The following B3GALT1 variants were observed in gnomAD, a reference collection of about 807,000 sequenced individuals.
The protein encoded by B3GALT1 is UDP-Gal:betaGlcNAc beta 1,3-galactosyltransferase, polypeptide 1.
In B3GALT1, 10 loss-of-function variants were observed where a neutral mutation model predicts 23.2. That is an observed-to-expected ratio of 0.43 (90% CI 0.27 to 0.73). The LOEUF (loss-of-function observed/expected upper bound fraction) is 0.73. Among genes scored for constraint, B3GALT1 ranks in the 30% least tolerant of loss-of-function variants. The probability of loss-of-function intolerance (pLI) is 0.21; values close to 1 mark genes in which losing one functional copy is unlikely to be tolerated. For missense variants in B3GALT1, 299 were observed against 405.4 expected (o/e 0.74, Z 2.25); for synonymous variants, 156 against 141.5 (o/e 1.10, Z -0.73).
chr2:167,423,823 C>T (rs1307337768), intron 1 of B3GALT1, among the ~76,000 whole-genome samples: 1 of 152,106 alleles, frequency 6.6e-6, no homozygotes. Context: ...ATAATTCCCC[C>T]CACTTCCCCA....
At chr2:167,573,458 C>T (rs1684332578) in intron 2 of B3GALT1, among the ~76,000 whole-genome samples, 1 of 151,670 alleles carries the variant, frequency 6.6e-6, no homozygotes, top group African/African-American at 2.4e-5. Flanking sequence ...CAATTAATAG[C>T]TCAACGGAAA....
chr2:167,774,583 C>T (rs1339360742), intron 3 of B3GALT1, among the ~76,000 whole-genome samples: 2 of 147,460 alleles, frequency 1.4e-5, no homozygotes, highest in South Asian at 2.2e-4. Flanking sequence ...CTGCAGTCTC[C>T]GCCTCCCGGG....
At chr2:167,715,369 C>G in intron 3 of B3GALT1, 3 of 1,613,796 alleles carry the variant, frequency 1.9e-6, no homozygotes. Flanking sequence ...CTTGTTCTTT[C>G]CATACTTCAG....
At chr2:167,512,399 T>A (rs1700019426) in intron 2 of B3GALT1, among the ~76,000 whole-genome samples, 1 of 150,662 alleles carries the variant, frequency 6.6e-6, no homozygotes, top group African/African-American at 2.4e-5. Context: ...ATTGAATGAT[T>A]TTATAATGTT....
At chr2:167,620,856 A>C (rs1229114543) in intron 2 of B3GALT1, among the ~76,000 whole-genome samples, 1 of 152,036 alleles carries the variant, frequency 6.6e-6, no homozygotes, top group African/African-American at 2.4e-5. Context: ...ATTATCTGTC[A>C]GAAAATGTCT....
chr2:167,655,046 G>A (rs1685934496), intron 3 of B3GALT1, among the ~76,000 whole-genome samples: 1 of 152,152 alleles, frequency 6.6e-6, no homozygotes, highest in East Asian at 1.9e-4. Flanking sequence ...TATAAATCTG[G>A]AACTACACTT....
chr2:167,714,796 A>G (rs926524167), intron 3 of B3GALT1: 6 of 1,613,118 alleles, frequency 3.7e-6, no homozygotes, highest in South Asian at 1.1e-5. Context: ...CTTCAGTGAC[A>G]TGGCTGATCT....
chr2:167,745,985 T>C (rs749144317), intron 3 of B3GALT1, among the ~76,000 whole-genome samples: 15 of 152,184 alleles, frequency 9.9e-5, no homozygotes, highest in Non-Finnish European at 2.1e-4. Context: ...CATTTTCTTA[T>C]GTCTACATAA....
intron 1 of B3GALT1, among the ~76,000 whole-genome samples, chr2:167,447,516 C>G (rs901258857): frequency 1.3e-5 from 2 of 152,160 alleles, no homozygotes; most frequent in African/African-American, 4.8e-5. Context: ...CCACCCAGTT[C>G]GAGCTTCCTG....
At chr2:167,565,479 G>A (rs375327939) in intron 2 of B3GALT1, among the ~76,000 whole-genome samples, 23 of 152,126 alleles carry the variant, frequency 1.5e-4, no homozygotes, top group Admixed American at 8.5e-4. Context: ...ACCAAAAGCA[G>A]TGGCAACAAA....
At chr2:167,475,518 T>A (rs1559108443) in intron 1 of B3GALT1, among the ~76,000 whole-genome samples, 1 of 151,852 alleles carries the variant, frequency 6.6e-6, no homozygotes, top group Non-Finnish European at 1.5e-5. Context: ...CTTCTATTAG[T>A]GAAATTGTGA....
intron 2 of B3GALT1, among the ~76,000 whole-genome samples, chr2:167,590,489 G>T (rs886329883): frequency 6.6e-6 from 1 of 151,594 alleles, no homozygotes; most frequent in Non-Finnish European, 1.5e-5. Flanking sequence ...GTGTCCTCCA[G>T]AATTTAAAAT....
intron 1 of B3GALT1, among the ~76,000 whole-genome samples, chr2:167,412,661 G>A (rs2105296595): frequency 6.6e-6 from 1 of 152,114 alleles, no homozygotes; most frequent in East Asian, 1.9e-4. Context: ...CAACCACTTT[G>A]GAAAACTGCT....
At chr2:167,426,367 TG>T (rs1188396183) in intron 1 of B3GALT1, among the ~76,000 whole-genome samples, 1 of 151,608 alleles carries the variant, frequency 6.6e-6, no homozygotes, top group Admixed American at 6.6e-5. Flanking sequence ...CTCCGCCTCC[TG>T]GGTTCAGGCA....
intron 1 of B3GALT1, among the ~76,000 whole-genome samples, chr2:167,443,050 T>C (rs1402579364): frequency 6.6e-6 from 1 of 152,094 alleles, no homozygotes; most frequent in Non-Finnish European, 1.5e-5. Context: ...TTGATTTTTG[T>C]ATAAGGTGTA....
At chr2:167,717,497 C>G (rs1253251827) in intron 3 of B3GALT1, among the ~76,000 whole-genome samples, 2 of 151,332 alleles carry the variant, frequency 1.3e-5, no homozygotes, top group Non-Finnish European at 2.9e-5. Context: ...TTTTTTTTAA[C>G]TTTTCAACTT....
intron 1 of B3GALT1, among the ~76,000 whole-genome samples, chr2:167,331,766 G>A (rs1339319471): frequency 6.6e-6 from 1 of 152,140 alleles, no homozygotes; most frequent in Non-Finnish European, 1.5e-5. Context: ...TGAGTCCCAG[G>A]CCACTGGTAG....
At chr2:167,824,426 GC>G (rs1689172629) in intron 4 of B3GALT1, among the ~76,000 whole-genome samples, 1 of 152,246 alleles carries the variant, frequency 6.6e-6, no homozygotes, top group South Asian at 2.1e-4. Flanking sequence ...GATACCCATA[GC>G]TTGAGTGGTG....
intron 2 of B3GALT1, among the ~76,000 whole-genome samples, chr2:167,581,335 A>G (rs781275821): frequency 7.2e-5 from 11 of 152,236 alleles, no homozygotes; most frequent in Non-Finnish European, 1.2e-4. Flanking sequence ...TTAAAGTGTA[A>G]TGTGCCTTTA....
Sources: gnomAD v4.1 joint callset for allele counts (sites outside exome capture counted in the v4.1 genomes callset) on GRCh38, gnomAD v4.1.1 for gene constraint, MANE v1.5 for transcripts, NCBI Gene and HGNC (gene_info 2026-07-23, HGNC 2026-07-21) for gene names.